POLR2F: variants seen among roughly 807,000 people sequenced by gnomAD.
The protein encoded by POLR2F is RNA polymerase II, I and III subunit F, also known as DNA-directed RNA polymerases I, II, and III subunit RPABC2.
POLR2F carries 12 observed loss-of-function variants against 22.7 expected under a neutral mutation model. The ratio of observed to expected loss-of-function variants is 0.53; its 90% CI spans 0.34 to 0.86. The LOEUF (loss-of-function observed/expected upper bound fraction) is 0.86. Among genes scored for constraint, POLR2F ranks in the 40% least tolerant of loss-of-function variants. The pLI is 0.02. For missense variants in POLR2F, 126 were observed against 171.5 expected, an observed-to-expected ratio of 0.73 and a Z score of 1.48; for synonymous variants, 57 against 66.0, an observed-to-expected ratio of 0.86 and a Z score of 0.66.
intron 3 of POLR2F, among the ~76,000 whole-genome samples, chr22:37,964,012 G>T (rs1569163999): frequency 6.6e-6 from 1 of 151,860 alleles, no homozygotes. Flanking sequence ...TGAGGCAAGA[G>T]AATCGCTTGA....
downstream of POLR2F, among the ~76,000 whole-genome samples, chr22:38,028,204 G>A (rs1302457433): frequency 6.6e-6 from 1 of 152,132 alleles, no homozygotes; most frequent in African/African-American, 2.4e-5. Context: ...AGATGGAGGA[G>A]GTCACCACAT....
intron 1 of POLR2F, among the ~76,000 whole-genome samples, chr22:37,992,110 A>G (rs1398581491): frequency 1.3e-5 from 2 of 152,234 alleles, no homozygotes; most frequent in Non-Finnish European, 2.9e-5. Flanking sequence ...AGCTGGGACT[A>G]TAGGTGTGTG....
Position 38,031,737 on chromosome 22 carries a change from C to T in POLR2F, c.453-9331C>T, listed in dbSNP as rs948140241. ...GTGCTGTGAGTCCATGTCTCAAACC[C>T]GCGTCACCATGCTGCCCCCAGACCA... On this transcript the variant is annotated intron_variant, in intron 5 of 5. Transcript: ENST00000407936. This position sits in a 1 kb window ranked among gnomAD's most constrained non-coding sequence, Gnocchi z 4.1. 6.6e-6 allele frequency among the ~76,000 whole-genome samples: 1 copy of T among 152,176 alleles called. No individual in the cohort carries two copies. Among genetic ancestry groups the T allele is most frequent in the African/African-American group, 2.4e-5 (1 of 41,422 alleles).
chr22:38,036,811 T>C (rs1202955493), intron 5 of POLR2F, among the ~76,000 whole-genome samples: 1 of 151,938 alleles, frequency 6.6e-6, no homozygotes, highest in Non-Finnish European at 1.5e-5. Flanking sequence ...TCTGACTCCT[T>C]TTCCCACACA....
At chr22:37,994,894 C>T (rs1056374474) in intron 1 of POLR2F, among the ~76,000 whole-genome samples, 4 of 152,228 alleles carry the variant, frequency 2.6e-5, no homozygotes, top group Non-Finnish European at 4.4e-5. Context: ...ATCCTCCCGC[C>T]TTGGCCTCCC....
At chr22:38,001,797 T>C (rs1202795996) in intron 1 of POLR2F, among the ~76,000 whole-genome samples, 1 of 151,994 alleles carries the variant, frequency 6.6e-6, no homozygotes, top group Non-Finnish European at 1.5e-5. Context: ...CCTTTCCAAG[T>C]GCTGGGATTA....
chr22:38,021,853 C>T (rs558678000), intron 1 of POLR2F, among the ~76,000 whole-genome samples: 4 of 151,272 alleles, frequency 2.6e-5, no homozygotes, highest in East Asian at 1.9e-4. Context: ...TATTTGGGGC[C>T]GGGCGCAGTA....
At chr22:38,036,712 A>C (rs1479370211) in intron 5 of POLR2F, among the ~76,000 whole-genome samples, 1 of 151,670 alleles carries the variant, frequency 6.6e-6, no homozygotes, top group Non-Finnish European at 1.5e-5. Context: ...TGGAGTTCAG[A>C]CCACACCATC....
intron 1 of POLR2F, among the ~76,000 whole-genome samples, chr22:37,993,328 C>T (rs1170079991): frequency 6.6e-6 from 1 of 152,140 alleles, no homozygotes; most frequent in Non-Finnish European, 1.5e-5. Flanking sequence ...TCATTTTCCT[C>T]TGTGATCCAG....
chr22:37,999,929 C>G (rs1383128955), intron 1 of POLR2F, among the ~76,000 whole-genome samples: 2 of 152,188 alleles, frequency 1.3e-5, no homozygotes, highest in Non-Finnish European at 2.9e-5. Context: ...GGCTGGAAGG[C>G]ACACTGTGCA....
rs181575799 is a variant in POLR2F at position 38,008,612 on chromosome 22, C to T, written c.121-17257C>T. On this transcript the variant is annotated intron_variant, in intron 1 of 2. Coordinates refer to the POLR2F transcript ENST00000333418. Reference sequence around the variant, plus strand: ...AAAAGCCAGGCGCGGTGGCTCAGGCCTGTACTCCCAGCACTTTGGGAGGCC... The same window carrying T: ...AAAAGCCAGGCGCGGTGGCTCAGGCTTGTACTCCCAGCACTTTGGGAGGCC... 2.5e-4 allele frequency among the ~76,000 whole-genome samples: 38 copies of T among 151,676 alleles called. No homozygotes were observed. In the East Asian group the frequency reaches 7.0e-3, roughly 28 times the overall value.
At chr22:37,993,099 G>A (rs1270688246) in intron 1 of POLR2F, among the ~76,000 whole-genome samples, 6 of 152,170 alleles carry the variant, frequency 3.9e-5, no homozygotes, top group African/African-American at 9.7e-5. Flanking sequence ...GGGCAGAGGG[G>A]ACCTTTATGA....
upstream of POLR2F, chr22:37,983,970 C>T (rs1043211473): frequency 3.5e-5 from 13 of 372,552 alleles, no homozygotes; most frequent in South Asian, 2.7e-4. This position sits in a 1 kb window ranked among gnomAD's most constrained non-coding sequence, Gnocchi z 9.5. Context: ...CCTTCCTGCT[C>T]CAGCTAAACC....
downstream of POLR2F, among the ~76,000 whole-genome samples, chr22:37,972,016 T>C (rs1372107787): frequency 6.7e-6 from 1 of 149,730 alleles, no homozygotes; most frequent in Non-Finnish European, 1.5e-5. Context: ...GTTCCCACTT[T>C]CTTAGCAGGG....
At chr22:38,013,079 TTCCCTTCCTTCCCTTCC>T (rs2084885399) in intron 1 of POLR2F, among the ~76,000 whole-genome samples, 5 of 20,082 alleles carry the variant, frequency 2.5e-4, no homozygotes, top group Non-Finnish European at 4.2e-4. Flanking sequence ...TATGACTTCC[TTCCCTTCCTTCCCTTCC>T]TTCCCTTCCT....
chr22:38,034,601 C>T (rs1220037447), intron 5 of POLR2F, among the ~76,000 whole-genome samples: 5 of 152,208 alleles, frequency 3.3e-5, no homozygotes, highest in Non-Finnish European at 7.3e-5. Context: ...TGACACCAGC[C>T]GTGCAGCCCT....
chr22:38,041,768 T>C (rs1367732052), downstream of POLR2F: 1 of 152,324 alleles, frequency 6.6e-6, no homozygotes, highest in Non-Finnish European at 1.5e-5. Flanking sequence ...CAGGCTTTCT[T>C]TTTTGGGTGA....
rs141112672 is a variant in POLR2F at position 37,963,044 on chromosome 22, T to G, written c.221+3568T>G. Among the ~76,000 whole-genome samples the G allele has an allele frequency of 1.4e-3, 211 of 151,828 alleles. 7 individuals carry two copies. The East Asian group carries it at 0.038, about 28-fold the overall frequency. ...CTCTGTCACCCAGGCTGGAGTGCAGTGGTGTGATCTTGGCTCACTGCATCC... is the reference window on the plus strand; with the variant it reads ...CTCTGTCACCCAGGCTGGAGTGCAGGGGTGTGATCTTGGCTCACTGCATCC... On this transcript the variant is annotated intron_variant, in intron 3 of 4. Transcript: ENST00000442738.
intron 1 of POLR2F, among the ~76,000 whole-genome samples, chr22:37,994,642 C>A (rs1379549752): frequency 2.0e-5 from 3 of 152,216 alleles, no homozygotes; most frequent in Non-Finnish European, 2.9e-5. Context: ...TCTCAGCCTC[C>A]TGAGTAGCTG....
Sources: allele counts gnomAD v4.1 joint callset (sites outside exome capture counted in the v4.1 genomes callset), GRCh38; gene constraint gnomAD v4.1.1; non-coding constraint Gnocchi (gnomAD v3.1); transcripts MANE v1.5; gene names NCBI Gene and HGNC (gene_info 2026-07-23, HGNC 2026-07-21).